Variants in MAN2A1 observed in about 807,000 individuals in gnomAD.
MAN2A1 encodes the protein alpha-mannosidase 2.
In MAN2A1, 76 loss-of-function variants were observed where a neutral mutation model predicts 142.6. That is an observed-to-expected ratio of 0.53 (90% confidence interval 0.44 to 0.65). MAN2A1 has a LOEUF of 0.65. Ranked by LOEUF, MAN2A1 falls within the 30% of genes least tolerant of loss-of-function variation. The pLI is 0.00. For missense variants in MAN2A1, 1,311 were observed against 1,365.1 expected, an observed-to-expected ratio of 0.96 and a Z score of 0.62; for synonymous variants, 559 against 473.2, an observed-to-expected ratio of 1.18 and a Z score of -2.35.
At chr5:109,807,105 A>G (rs1754185408) in intron 12 of MAN2A1, among the ~76,000 whole-genome samples, 1 of 152,088 alleles carries the variant, frequency 6.6e-6, no homozygotes. Context: ...TCCAGAAACC[A>G]TCATTTAAAA....
chr5:109,741,977 T>A (rs987212953), intron 4 of MAN2A1, among the ~76,000 whole-genome samples: 1 of 152,212 alleles, frequency 6.6e-6, no homozygotes, highest in African/African-American at 2.4e-5. Flanking sequence ...TGTAATTTTT[T>A]AAAACTTTTT....
intron 6 of MAN2A1, among the ~76,000 whole-genome samples, chr5:109,768,222 C>T (rs1392143526): frequency 1.4e-5 from 2 of 138,038 alleles, no homozygotes; most frequent in Non-Finnish European, 3.1e-5. Context: ...TATACTTGTG[C>T]AGCTCTTTAT....
At chr5:109,831,318 C>T (rs76832207) in intron 16 of MAN2A1, among the ~76,000 whole-genome samples, 2,836 of 152,110 alleles carry the variant, frequency 0.019, 34 homozygotes, top group Middle Eastern at 0.071. Flanking sequence ...TATTATAAGA[C>T]AAAGCATGGT....
At chr5:109,856,685 T>G (rs1755612315) in intron 20 of MAN2A1, among the ~76,000 whole-genome samples, 1 of 152,234 alleles carries the variant, frequency 6.6e-6, no homozygotes, top group Admixed American at 6.5e-5. Flanking sequence ...AGAAGTATTT[T>G]GGTTTCCTTC....
intron 12 of MAN2A1, among the ~76,000 whole-genome samples, chr5:109,815,394 G>A (rs1754427030): frequency 6.6e-6 from 1 of 152,164 alleles, no homozygotes; most frequent in Non-Finnish European, 1.5e-5. Context: ...AGGATTCGTT[G>A]CTCTTTGTAA....
chr5:109,746,528 G>A (rs248750), intron 4 of MAN2A1, among the ~76,000 whole-genome samples: 3 of 150,286 alleles, frequency 2.0e-5, no homozygotes, highest in Non-Finnish European at 4.4e-5. Context: ...AAAGGCATAG[G>A]CATATATATT....
intron 16 of MAN2A1, among the ~76,000 whole-genome samples, chr5:109,836,908 G>A (rs921521330): frequency 4.0e-5 from 6 of 151,804 alleles, no homozygotes; most frequent in Non-Finnish European, 7.4e-5. Flanking sequence ...TGTTTGTGTC[G>A]ATTTTCAGCA....
intron 12 of MAN2A1, among the ~76,000 whole-genome samples, chr5:109,813,118 C>T (rs1754362571): frequency 6.6e-6 from 1 of 152,090 alleles, no homozygotes; most frequent in South Asian, 2.1e-4. Context: ...GAGATGAACT[C>T]CTTAGTATAT....
At chr5:109,793,050 C>T (rs1233250590) in intron 12 of MAN2A1, among the ~76,000 whole-genome samples, 1 of 152,050 alleles carries the variant, frequency 6.6e-6, no homozygotes, top group Non-Finnish European at 1.5e-5. Context: ...GAATTACTCT[C>T]CATTTCCTGA....
intron 10 of MAN2A1, among the ~76,000 whole-genome samples, chr5:109,786,617 A>T (rs768285803): frequency 3.7e-4 from 57 of 152,118 alleles, no homozygotes; most frequent in Non-Finnish European, 6.5e-4. Context: ...TTCACAGTTC[A>T]TTGAAAAGTC....
rs1401181691 is a variant in MAN2A1, at chr5:109,784,740, T to C, written c.1578-4T>C. The C allele has an allele frequency of 6.3e-7, 1 of 1,585,322 alleles. No homozygotes were observed. The highest frequency in any genetic ancestry group is 1.2e-5 in the South Asian group (1 of 84,906). ...AAATAAAAATATGACTTTTATGCAA[T>C]TAGGGCTGCTGAAATTCTTTACTAT... is the stretch of plus-strand genomic sequence containing the variant. On this transcript the variant is annotated splice_polypyrimidine_tract_variant and splice_region_variant and intron_variant, in intron 9 of 21. Transcript: ENST00000261483.
chr5:109,705,545 A>G (rs183960501), intron 1 of MAN2A1, among the ~76,000 whole-genome samples: 1 of 152,258 alleles, frequency 6.6e-6, no homozygotes, highest in Non-Finnish European at 1.5e-5. Context: ...TTTGGGCAAG[A>G]ATTTCTCTAA....
chr5:109,732,903 A>G (rs1263396443), intron 4 of MAN2A1, among the ~76,000 whole-genome samples: 5 of 151,608 alleles, frequency 3.3e-5, no homozygotes, highest in South Asian at 2.1e-4. Flanking sequence ...TGTGAAGAAA[A>G]TCATTGGTAG....
chr5:109,758,675 T>C (rs974430159), intron 5 of MAN2A1, among the ~76,000 whole-genome samples: 1 of 148,532 alleles, frequency 6.7e-6, no homozygotes, highest in African/African-American at 2.4e-5. Context: ...ATATTATATT[T>C]AGTTAATATT....
At chr5:109,703,912 G>A (rs1751057626) in intron 1 of MAN2A1, among the ~76,000 whole-genome samples, 1 of 152,162 alleles carries the variant, frequency 6.6e-6, no homozygotes, top group South Asian at 2.1e-4. Context: ...ATATTGGGCT[G>A]GTGCAGATAG....
intron 1 of MAN2A1, chr5:109,699,396 C>A (rs529636649): frequency 6.6e-6 from 1 of 150,876 alleles, no homozygotes; most frequent in South Asian, 2.1e-4. Flanking sequence ...TTCAAGAGAT[C>A]TATTGTACAA....
intron 4 of MAN2A1, among the ~76,000 whole-genome samples, chr5:109,743,729 A>G (rs1254803137): frequency 1.3e-5 from 2 of 152,094 alleles, no homozygotes; most frequent in Non-Finnish European, 2.9e-5. Context: ...TGGCCTTTCC[A>G]TTTCCAGCTG....
rs759695800 is a variant in MAN2A1, at chr5:109,784,923, C to G, written c.1757C>G (p.Thr586Ser). 1.3e-6 allele frequency: 2 copies of G among 1,569,720 alleles called. No homozygotes were observed. The highest frequency in any genetic ancestry group is 1.7e-6 in the Non-Finnish European group (2 of 1,163,354). ...AKDWVVVDYG[T>S]RLFHSLMVLE... ...GACTGGGTGGTTGTGGATTATGGTA[C>G]CAGGTAATCTAATTATAGAAAAATC... The change falls in exon 10 of 22, where the codon ACC becomes AGC. Residue 586 changes from threonine to serine, a missense_variant. This residue lies in a region of MAN2A1 where 890 missense variants were observed against 920.5 expected (regional missense o/e 0.97). Coordinates refer to ENST00000261483, the MANE Select transcript of MAN2A1 (RefSeq NM_002372.4).
At chr5:109,719,459 A>G (rs1751543542) in intron 3 of MAN2A1, among the ~76,000 whole-genome samples, 1 of 152,184 alleles carries the variant, frequency 6.6e-6, no homozygotes, top group African/African-American at 2.4e-5. Context: ...TTAATAGAGG[A>G]AAAAGAGAAA....
Sources: allele counts gnomAD v4.1 joint callset (sites outside exome capture counted in the v4.1 genomes callset), GRCh38; gene constraint gnomAD v4.1.1; regional missense constraint gnomAD v4.1.1; transcripts MANE v1.5; gene names NCBI Gene and HGNC (gene_info 2026-07-23, HGNC 2026-07-21).